Variants in LMBRD1 observed in about 807,000 individuals in gnomAD.
LMBRD1 encodes the protein lysosomal cobalamin transport escort protein LMBD1.
In LMBRD1, 64 loss-of-function variants were observed where a neutral mutation model predicts 74.8. The ratio of observed to expected loss-of-function variants is 0.86; its 90% CI spans 0.70 to 1.05. The LOEUF (loss-of-function observed/expected upper bound fraction) is 1.05. LMBRD1 is among the 50% of genes least tolerant of loss of function. The pLI, the probability that LMBRD1 is intolerant of heterozygous loss-of-function variation, is 0.00. For synonymous variants in LMBRD1, 204 were observed against 216.3 expected (o/e 0.94, Z 0.50); for missense variants, 652 against 645.9 (o/e 1.01, Z -0.10).
At chr6:69,721,638 C>A (rs531789002) in intron 7 of LMBRD1, among the ~76,000 whole-genome samples, 1 of 152,150 alleles carries the variant, frequency 6.6e-6, no homozygotes, top group South Asian at 2.1e-4. Flanking sequence ...CCAGCACATT[C>A]CCAGCTATGG....
At position 69,695,215 on chromosome 6, in the gene LMBRD1, C is replaced by G. The variant is rs79272186; in HGVS notation, c.1417+2348G>C. On this transcript the variant is annotated intron_variant, in intron 14 of 15. Coordinates refer to ENST00000649934, the MANE Select transcript of LMBRD1 (RefSeq NM_018368.4). ...TTCAATCTTTCCTGCTCCACTAGTT[C>G]CATCCCATTATCCCTGAAGTCTCTC... 3.6e-3 allele frequency among the ~76,000 whole-genome samples: 544 copies of G among 152,110 alleles called. 17 individuals carry two copies. In the East Asian group the frequency reaches 0.091, roughly 26 times the overall value.
intron 7 of LMBRD1, among the ~76,000 whole-genome samples, chr6:69,724,610 G>A (rs1766687507): frequency 6.6e-6 from 1 of 150,394 alleles, no homozygotes; most frequent in South Asian, 2.1e-4. Flanking sequence ...GAGAATGAAG[G>A]ATGAAAACCA....
intron 14 of LMBRD1, among the ~76,000 whole-genome samples, chr6:69,687,314 GTT>G (rs1165540961): frequency 1.5e-4 from 23 of 152,166 alleles, no homozygotes; most frequent in African/African-American, 5.5e-4. Context: ...CTGAACACCA[GTT>G]AATCTCCTTT....
At chr6:69,751,390 G>C (rs191221744) in intron 4 of LMBRD1, among the ~76,000 whole-genome samples, 1 of 151,860 alleles carries the variant, frequency 6.6e-6, no homozygotes, top group East Asian at 1.9e-4. Context: ...GCAGTGGAGT[G>C]ATCTCGGCTC....
chr6:69,767,419 A>G (rs1046549306), intron 3 of LMBRD1, among the ~76,000 whole-genome samples: 5 of 151,754 alleles, frequency 3.3e-5, no homozygotes, highest in African/African-American at 1.2e-4. Flanking sequence ...TGTTCAAAAT[A>G]TTCTCCAATC....
chr6:69,679,045 A>AAAC (rs1562079952), intron 14 of LMBRD1, among the ~76,000 whole-genome samples: 48 of 129,202 alleles, frequency 3.7e-4, no homozygotes, highest in African/African-American at 1.2e-3. Flanking sequence ...GGTTAAAACA[A>AAAC]AAAAAAAAAA....
chr6:69,685,809 C>A (rs1765752036), intron 14 of LMBRD1, among the ~76,000 whole-genome samples: 1 of 152,002 alleles, frequency 6.6e-6, no homozygotes, highest in Admixed American at 6.6e-5. Flanking sequence ...CAAAAACAAA[C>A]AAACAAACAA....
intron 1 of LMBRD1, among the ~76,000 whole-genome samples, chr6:69,791,014 T>A (rs568700763): frequency 6.6e-6 from 1 of 152,126 alleles, no homozygotes; most frequent in African/African-American, 2.4e-5. Context: ...CAAAGAAAAG[T>A]CAATGCTGAA....
At chr6:69,749,212 TAG>T (rs1334810628) in intron 5 of LMBRD1, 127 bp downstream of exon 5, 4 of 727,586 alleles carry the variant, frequency 5.5e-6, no homozygotes, top group Non-Finnish European at 9.3e-6. Flanking sequence ...CTTGGAGATT[TAG>T]AGAGTGGATT....
intron 2 of LMBRD1, among the ~76,000 whole-genome samples, chr6:69,783,708 A>G (rs1302116092): frequency 6.6e-6 from 1 of 151,594 alleles, no homozygotes; most frequent in Non-Finnish European, 1.5e-5. Context: ...CAATGTATCA[A>G]TGGGCCAGAG....
At chr6:69,702,895 T>C (rs554417864) in intron 9 of LMBRD1, among the ~76,000 whole-genome samples, 1 of 151,998 alleles carries the variant, frequency 6.6e-6, no homozygotes, top group East Asian at 1.9e-4. Flanking sequence ...TGGAAGTAAA[T>C]TTTAGAATCC....
intron 1 of LMBRD1, 121 bp downstream of exon 1, chr6:69,796,692 C>A: frequency 1.1e-6 from 1 of 930,200 alleles, no homozygotes; most frequent in South Asian, 1.4e-5. Context: ...CTCCACAGTC[C>A]AAGCTAAAAG....
At chr6:69,676,627 A>G in intron 14 of LMBRD1, 86 bp from the exon 15 acceptor site, 1 of 1,058,924 alleles carries the variant, frequency 9.4e-7, no homozygotes, top group South Asian at 1.3e-5. Context: ...TTATTAACCA[A>G]AGCTAATGAC....
In LMBRD1 at chr6:69,725,369, ACACACAC is replaced by A. The variant is rs778109479; in HGVS notation, c.637-6295_637-6289del. Reference sequence around the variant, plus strand: ...CACACACACACACACACACACACACACACACACAAAACACACACCTAAAGTGTATACA... The same window carrying A: ...CACACACACACACACACACACACACAAAAACACACACCTAAAGTGTATACA... On this transcript the variant is annotated intron_variant, in intron 7 of 15. Transcript: ENST00000649934. Among the ~76,000 whole-genome samples the A allele has an allele frequency of 4.2e-4, 62 of 148,270 alleles. 1 individual carries two copies. The highest frequency in any genetic ancestry group is 7.4e-4 in the Non-Finnish European group (49 of 66,244).
At chr6:69,732,671 T>C (rs1014625099) in intron 7 of LMBRD1, among the ~76,000 whole-genome samples, 7 of 152,316 alleles carry the variant, frequency 4.6e-5, no homozygotes, top group African/African-American at 1.7e-4. Context: ...ATTAGCATAA[T>C]AATATGTAAA....
intron 14 of LMBRD1, among the ~76,000 whole-genome samples, chr6:69,692,273 GCT>G (rs138071564): frequency 9.5e-4 from 114 of 120,480 alleles, no homozygotes; most frequent in African/African-American, 3.2e-3. Flanking sequence ...TTTAAGGTGC[GCT>G]CTCTCTCTCT....
At chr6:69,684,676 G>C (rs565184138) in intron 14 of LMBRD1, among the ~76,000 whole-genome samples, 1 of 152,118 alleles carries the variant, frequency 6.6e-6, no homozygotes, top group African/African-American at 2.4e-5. Context: ...AAGAAGATAT[G>C]ATTTACAATG....
intron 7 of LMBRD1, among the ~76,000 whole-genome samples, chr6:69,736,604 T>G (rs1201923157): frequency 6.6e-6 from 1 of 152,214 alleles, no homozygotes; most frequent in African/African-American, 2.4e-5. Context: ...TCTCTATTTT[T>G]TTCTCCTGAC....
At chr6:69,772,054 T>TA (rs1765588171) in intron 3 of LMBRD1, among the ~76,000 whole-genome samples, 1 of 152,188 alleles carries the variant, frequency 6.6e-6, no homozygotes, top group South Asian at 2.1e-4. Flanking sequence ...AAAAAAAACC[T>TA]ACTGTATGAC....
Sources: allele counts gnomAD v4.1 joint callset (sites outside exome capture counted in the v4.1 genomes callset), GRCh38; gene constraint gnomAD v4.1.1; transcripts MANE v1.5; gene names NCBI Gene and HGNC (gene_info 2026-07-23, HGNC 2026-07-21).